The following COL14A1 variants were observed in gnomAD, a reference collection of about 807,000 sequenced individuals.
The protein encoded by COL14A1 is collagen type XIV alpha 1 chain, also known as collagen alpha-1(XIV) chain.
COL14A1 carries 136 observed loss-of-function variants against 230.3 expected under a neutral mutation model. The ratio of observed to expected loss-of-function variants is 0.59; its 90% confidence interval spans 0.51 to 0.68. The LOEUF is 0.68. COL14A1 is among the 30% of genes least tolerant of loss of function. The pLI is 0.00. For synonymous variants in COL14A1, 792 were observed against 784.1 expected (o/e 1.01, Z -0.17); for missense variants, 1,976 against 2,215.8 (o/e 0.89, Z 2.17).
At chr8:120,311,916 G>A (rs1821056124) in intron 37 of COL14A1, among the ~76,000 whole-genome samples, 1 of 151,936 alleles carries the variant, frequency 6.6e-6, no homozygotes. Context: ...TGGCCAACAT[G>A]GTGAAACCCT....
chr8:120,185,489 T>C (rs1816622762), intron 5 of COL14A1, among the ~76,000 whole-genome samples: 1 of 151,998 alleles, frequency 6.6e-6, no homozygotes, highest in Non-Finnish European at 1.5e-5. Flanking sequence ...ACCCCATCTC[T>C]ACAAAAATTA....
chr8:120,190,258 T>G (rs1371087563), intron 5 of COL14A1, among the ~76,000 whole-genome samples: 4 of 152,202 alleles, frequency 2.6e-5, no homozygotes, highest in Non-Finnish European at 5.9e-5. Context: ...TTTTTTCATG[T>G]GGTTTTTGGC....
rs1819104096 is a variant in COL14A1, at chr8:120,255,182, C to T, written c.2753-58C>T. 3.0e-6 allele frequency: 4 copies of T among 1,355,490 alleles called. No individual in the cohort carries two copies. The South Asian group carries it at 3.5e-5, about 12-fold the overall frequency. The allele number at this position is 1,355,490 out of a possible 1,614,324, so 84.0% of individuals were successfully genotyped here. ...TTTTTCCAGAAGTTAATTTCAGATT[C>T]AGGGATGCTTGTGTGTTGTCTGCGG... On this transcript the variant is annotated intron_variant, in intron 22 of 47. Transcript: ENST00000297848.
chr8:120,279,479 A>AC (rs1563713971), intron 28 of COL14A1, among the ~76,000 whole-genome samples: 1 of 150,652 alleles, frequency 6.6e-6, no homozygotes, highest in African/African-American at 2.4e-5. Context: ...TAGTAGTTCT[A>AC]TTTACTTGCC....
At chr8:120,318,203 T>C (rs1821303799) in intron 40 of COL14A1, among the ~76,000 whole-genome samples, 1 of 152,158 alleles carries the variant, frequency 6.6e-6, no homozygotes, top group Non-Finnish European at 1.5e-5. Flanking sequence ...TGAGCAGATA[T>C]AATATGCCAT....
At chr8:120,165,533 C>T (rs1314152379) in intron 4 of COL14A1, among the ~76,000 whole-genome samples, 2 of 152,136 alleles carry the variant, frequency 1.3e-5, no homozygotes, top group African/African-American at 4.8e-5. Flanking sequence ...CTTACTTCAC[C>T]ACGTAGTACA....
Position 120,243,860 on chromosome 8 carries a change from C to T in COL14A1, c.2350-19C>T, listed in dbSNP as rs1256768050. 2.5e-6 allele frequency: 4 copies of T among 1,611,214 alleles called. No homozygotes were observed. Among genetic ancestry groups the T allele is most frequent in the Non-Finnish European group, 3.4e-6 (4 of 1,178,440 alleles). Reference sequence around the variant, plus strand: ...AAACGGGTCTCACTAAGACTGCAGTCCTTTGCTTTTTTGTTCAGGTTATGG... The same window carrying T: ...AAACGGGTCTCACTAAGACTGCAGTTCTTTGCTTTTTTGTTCAGGTTATGG... On this transcript the variant is annotated intron_variant, in intron 19 of 47. Coordinates refer to ENST00000297848, the MANE Select transcript of COL14A1 (RefSeq NM_021110.4).
intron 35 of COL14A1, among the ~76,000 whole-genome samples, chr8:120,299,280 G>A (rs1423316742): frequency 1.3e-5 from 2 of 151,990 alleles, no homozygotes; most frequent in Non-Finnish European, 2.9e-5. Flanking sequence ...AACATCTATT[G>A]CAAGCACCAA....
chr8:120,244,015 G>C lies in COL14A1; in HGVS notation c.2479+7G>C. On this transcript the variant is annotated splice_region_variant and intron_variant, in intron 20 of 47. Coordinates refer to ENST00000297848, the MANE Select transcript of COL14A1 (RefSeq NM_021110.4). ...TCCGCTCCTGGAAAAACCTGTAAGT[G>C]AAGCTTTCTCCCTTTGAATACAAGC... The C allele has an allele frequency of 6.2e-7, 1 of 1,609,692 alleles. No individual in the cohort carries two copies. Among genetic ancestry groups the C allele is most frequent in the African/African-American group, 1.3e-5 (1 of 74,776 alleles).
rs746855039 is a variant in COL14A1 at position 120,199,537 on chromosome 8, G to A, written c.848G>A (p.Arg283His). The A allele has an allele frequency of 8.1e-6, 13 of 1,612,664 alleles. No individual in the cohort carries two copies. Among genetic ancestry groups the A allele is most frequent in the South Asian group, 2.2e-5 (2 of 90,738 alleles). ...ATTATTCCACCATCTAGAAATCTTC[G>A]TGAGTCTGGTGTAGAACTGTTTGCC... ...DDIIPPSRNL[R>H]ESGVELFAIG... The change falls in exon 8 of 48, where the codon CGT becomes CAT. Residue 283 changes from arginine (R) to histidine (H), a missense_variant. This residue lies in a region of COL14A1 where 1,791 missense variants were observed against 2,019.5 expected (regional missense o/e 0.89). Transcript: ENST00000297848.
chr8:120,327,360 C>T (rs867190202), intron 40 of COL14A1, among the ~76,000 whole-genome samples: 1 of 152,268 alleles, frequency 6.6e-6, no homozygotes, highest in East Asian at 1.9e-4. Flanking sequence ...TCAACTCTGA[C>T]GTGTAATTCA....
At position 120,243,867 on chromosome 8, in the gene COL14A1, T is replaced by G. The variant is rs1201099383; in HGVS notation, c.2350-12T>G. ...TCTCACTAAGACTGCAGTCCTTTGC[T>G]TTTTTGTTCAGGTTATGGTGCCTGG... On this transcript the variant is annotated splice_polypyrimidine_tract_variant and intron_variant, in intron 19 of 47. Coordinates refer to ENST00000297848, the MANE Select transcript of COL14A1 (RefSeq NM_021110.4). 3 of 1,611,738 alleles carry G rather than the reference T, an allele frequency of 1.9e-6. No individual in the cohort carries two copies. The highest frequency in any genetic ancestry group is 2.5e-6 in the Non-Finnish European group (3 of 1,178,656).
intron 2 of COL14A1, among the ~76,000 whole-genome samples, chr8:120,152,746 G>C (rs1370989229): frequency 6.6e-6 from 1 of 152,174 alleles, no homozygotes; most frequent in Admixed American, 6.5e-5. Flanking sequence ...CAATAACAGA[G>C]TGATGGGATC....
At chr8:120,346,371 G>C (rs1169850441) in intron 45 of COL14A1, among the ~76,000 whole-genome samples, 2 of 152,170 alleles carry the variant, frequency 1.3e-5, no homozygotes, top group East Asian at 3.9e-4. Flanking sequence ...CGTGAAGAAA[G>C]TGATGGGAAA....
chr8:120,169,308 C>T lies in COL14A1; in HGVS notation c.436+1061C>T, dbSNP rs373365183. ...GATAGATGGCAGGCTCTATCAATAT[C>T]GACTTAAATTTTTTTCAGTAATTTG... On this transcript the variant is annotated intron_variant, in intron 5 of 47. Coordinates refer to ENST00000297848, the MANE Select transcript of COL14A1 (RefSeq NM_021110.4). Among the ~76,000 whole-genome samples the T allele has an allele frequency of 5.3e-5, 8 of 152,028 alleles. No homozygotes were observed. In the East Asian group the frequency reaches 5.8e-4, roughly 11 times the overall value.
Position 120,158,260 on chromosome 8 carries a change from A to C in COL14A1, c.205+14A>C. 6.9e-7 allele frequency: 1 copy of C among 1,458,300 alleles called. No homozygotes were observed. The highest frequency in any genetic ancestry group is 9.6e-7 in the Non-Finnish European group (1 of 1,039,690). The allele number at this position is 1,458,300 out of a possible 1,614,324, so 90.3% of individuals were successfully genotyped here. ...CTCCAACTTCAGGTAAAAACAATTG[A>C]CTTTGTTTTGTAGAGCATTAGCAAC... On this transcript the variant is annotated intron_variant, in intron 3 of 47. Coordinates refer to ENST00000297848, the MANE Select transcript of COL14A1 (RefSeq NM_021110.4).
chr8:120,337,779 G>A (rs149763583), intron 42 of COL14A1, among the ~76,000 whole-genome samples: 5 of 152,310 alleles, frequency 3.3e-5, no homozygotes, highest in African/African-American at 4.8e-5. Context: ...GGAGTTATGG[G>A]CCTTCACTTG....
intron 19 of COL14A1, among the ~76,000 whole-genome samples, chr8:120,234,850 C>T (rs907218602): frequency 1.3e-5 from 2 of 152,132 alleles, no homozygotes; most frequent in Non-Finnish European, 1.5e-5. Context: ...GGAGGAGTCC[C>T]TCTTTTTCTA....
intron 23 of COL14A1, among the ~76,000 whole-genome samples, chr8:120,260,761 G>T (rs1819297117): frequency 6.6e-6 from 1 of 152,146 alleles, no homozygotes; most frequent in Non-Finnish European, 1.5e-5. Flanking sequence ...CTTCAATAAT[G>T]AAAGCCACCC....
Sources: allele counts gnomAD v4.1 joint callset (sites outside exome capture counted in the v4.1 genomes callset), GRCh38; gene constraint gnomAD v4.1.1; regional missense constraint gnomAD v4.1.1; transcripts MANE v1.5; gene names NCBI Gene and HGNC (gene_info 2026-07-23, HGNC 2026-07-21).